The following AGMO variants were observed in gnomAD, a reference collection of about 807,000 sequenced individuals.
The protein encoded by AGMO is glyceryl-ether monooxygenase.
AGMO carries 75 observed loss-of-function variants against 60.2 expected under a neutral mutation model. That is an observed-to-expected ratio of 1.25 (90% CI 1.03 to 1.51). The LOEUF is 1.51. Ranked by LOEUF, AGMO falls within the 40% of genes most tolerant of loss-of-function variation. The pLI, the probability that AGMO is intolerant of heterozygous loss-of-function variation, is 0.00. For missense variants in AGMO, 763 were observed against 525.5 expected (o/e 1.45, Z -4.42); for synonymous variants, 261 against 177.1 (o/e 1.47, Z -3.76).
chr7:15,133,190 G>C, the AGMO span, among the ~76,000 whole-genome samples: 20 of 152,172 alleles, frequency 1.3e-4, no homozygotes, highest in Non-Finnish European at 2.8e-4. Context: ...CTGTATGAGA[G>C]TGGGAAAGAG....
At chr7:15,559,674 G>C (rs1785247698) in intron 2 of AGMO, among the ~76,000 whole-genome samples, 1 of 152,080 alleles carries the variant, frequency 6.6e-6, no homozygotes, top group Non-Finnish European at 1.5e-5. Flanking sequence ...CCAGTGAAGG[G>C]TTTCCACTGG....
intron 12 of AGMO, among the ~76,000 whole-genome samples, chr7:15,353,016 G>A (rs555519159): frequency 3.3e-5 from 5 of 151,972 alleles, no homozygotes; most frequent in Non-Finnish European, 7.4e-5. Flanking sequence ...CACTGCGCAC[G>A]GCACACTCAG....
chr7:15,428,603 A>T (rs1055266876), intron 4 of AGMO, among the ~76,000 whole-genome samples: 3 of 152,150 alleles, frequency 2.0e-5, no homozygotes, highest in African/African-American at 7.2e-5. Flanking sequence ...CCAACTTGGC[A>T]TTGCTCAATA....
At chr7:15,197,018 A>C (rs2115458412), downstream of AGMO, among the ~76,000 whole-genome samples, 1 of 152,136 alleles carries the variant, frequency 6.6e-6, no homozygotes, top group Admixed American at 6.5e-5. Flanking sequence ...AGATTTGAAA[A>C]AAATGTTCTA....
chr7:15,528,107 T>C (rs1784172393), intron 3 of AGMO, among the ~76,000 whole-genome samples: 1 of 152,158 alleles, frequency 6.6e-6, no homozygotes, highest in Non-Finnish European at 1.5e-5. Context: ...ATTTAATAAA[T>C]GCATTTTGTA....
chr7:15,305,880 C>T (rs538006485), intron 12 of AGMO, among the ~76,000 whole-genome samples: 8 of 151,838 alleles, frequency 5.3e-5, no homozygotes, highest in South Asian at 4.2e-4. Context: ...GGTACATGAA[C>T]GAACCTAAAA....
chr7:15,151,805 A>C, the AGMO span, among the ~76,000 whole-genome samples: 6 of 152,168 alleles, frequency 3.9e-5, no homozygotes, highest in African/African-American at 1.4e-4. Flanking sequence ...TGTATTCTGC[A>C]GATATTTGTT....
chr7:15,555,990 G>A (rs1338696290), intron 2 of AGMO, among the ~76,000 whole-genome samples: 8 of 151,754 alleles, frequency 5.3e-5, no homozygotes, highest in African/African-American at 1.7e-4. Flanking sequence ...TATTATTAAC[G>A]TTACACAGAT....
chr7:15,174,441 T>C, the AGMO span, among the ~76,000 whole-genome samples: 3 of 152,128 alleles, frequency 2.0e-5, no homozygotes, highest in Non-Finnish European at 4.4e-5. Flanking sequence ...TTAAGAAAGA[T>C]ACTTTTCTCC....
At chr7:15,509,127 G>C (rs1414237091) in intron 3 of AGMO, among the ~76,000 whole-genome samples, 1 of 152,156 alleles carries the variant, frequency 6.6e-6, no homozygotes. Context: ...TTTAAAAAGG[G>C]AGACTCTGGA....
chr7:15,523,903 G>A (rs187623912), intron 3 of AGMO, among the ~76,000 whole-genome samples: 1 of 152,154 alleles, frequency 6.6e-6, no homozygotes, highest in African/African-American at 2.4e-5. Context: ...TAACTACATG[G>A]TATGGTCATA....
At chr7:15,185,228 T>C in the AGMO span, among the ~76,000 whole-genome samples, 1 of 152,162 alleles carries the variant, frequency 6.6e-6, no homozygotes, top group Non-Finnish European at 1.5e-5. Flanking sequence ...TAAATATTGA[T>C]TTTAACTAAT....
At chr7:15,552,386 C>G (rs1168903294) in intron 2 of AGMO, among the ~76,000 whole-genome samples, 2 of 152,046 alleles carry the variant, frequency 1.3e-5, no homozygotes, top group Non-Finnish European at 2.9e-5. Context: ...AACAGGCAAC[C>G]TACAAAATGG....
rs554175327 is a variant in AGMO, at chr7:15,343,964, TTAAC to T, written c.1263+21546_1263+21549del. ...TAGAAAACAATAATAATATTTTCCT[TTAAC>T]TATCCATAAAACTAACTGGAAGACA... On this transcript the variant is annotated intron_variant, in intron 12 of 12. Coordinates refer to ENST00000342526, the MANE Select transcript of AGMO (RefSeq NM_001004320.2). Among the ~76,000 whole-genome samples, 22 of 152,246 alleles carry T rather than the reference TTAAC, an allele frequency of 1.4e-4. No homozygotes were observed. In the East Asian group the frequency reaches 2.1e-3, roughly 15 times the overall value.
chr7:15,182,132 A>G, the AGMO span, among the ~76,000 whole-genome samples: 1 of 152,218 alleles, frequency 6.6e-6, no homozygotes, highest in South Asian at 2.1e-4. Context: ...TTCCACTTGT[A>G]TGAGGTGCAT....
the AGMO span, among the ~76,000 whole-genome samples, chr7:15,174,199 A>G: frequency 1.3e-5 from 2 of 152,034 alleles, no homozygotes; most frequent in African/African-American, 4.8e-5. Context: ...TGCAAATTAG[A>G]TATAAATAGA....
At chr7:15,185,846 T>C in the AGMO span, among the ~76,000 whole-genome samples, 1 of 152,200 alleles carries the variant, frequency 6.6e-6, no homozygotes, top group Non-Finnish European at 1.5e-5. Flanking sequence ...TGGCCTAGAA[T>C]CAAAATTAAT....
intron 12 of AGMO, among the ~76,000 whole-genome samples, chr7:15,356,953 CA>C (rs917201250): frequency 0.039 from 2,666 of 68,906 alleles, 30 homozygotes; most frequent in African/African-American, 0.064. Flanking sequence ...ACTAAAATTA[CA>C]AAAAAAAAAA....
chr7:15,318,425 T>A (rs977822242), intron 12 of AGMO, among the ~76,000 whole-genome samples: 1 of 152,172 alleles, frequency 6.6e-6, no homozygotes, highest in African/African-American at 2.4e-5. Flanking sequence ...AGTGTATCAC[T>A]CAAAATGGCA....
Sources: gnomAD v4.1 joint callset for allele counts (sites outside exome capture counted in the v4.1 genomes callset) on GRCh38, gnomAD v4.1.1 for gene constraint, MANE v1.5 for transcripts, NCBI Gene and HGNC (gene_info 2026-07-23, HGNC 2026-07-21) for gene names.